The following C10orf67 variants were observed in gnomAD, a reference collection of about 807,000 sequenced individuals.
C10orf67 encodes chromosome 10 open reading frame 67.
In C10orf67, 60 loss-of-function variants were observed where a neutral mutation model predicts 35.6. The observed-to-expected ratio is 1.68, with a 90% confidence interval of 1.37 to 2.09. C10orf67 has a LOEUF of 2.09. C10orf67 is among the 30% of genes most tolerant of loss of function. C10orf67 has a pLI of 0.00. For missense variants in C10orf67, 474 were observed against 330.2 expected, an observed-to-expected ratio of 1.44 and a Z score of -3.38; for synonymous variants, 167 against 115.8, an observed-to-expected ratio of 1.44 and a Z score of -2.84.
intron 10 of C10orf67, among the ~76,000 whole-genome samples, chr10:23,262,366 G>C (rs941905263): frequency 1.6e-5 from 2 of 128,532 alleles, no homozygotes; most frequent in African/African-American, 2.8e-5. Flanking sequence ...AGGGGGGTGG[G>C]GGGAGAGGGT....
chr10:23,255,390 C>T (rs1000923255), intron 10 of C10orf67, among the ~76,000 whole-genome samples: 3 of 152,192 alleles, frequency 2.0e-5, no homozygotes, highest in Admixed American at 6.5e-5. Context: ...CCAAAGGGCT[C>T]GGAGGCATCT....
chr10:23,284,932 A>AT (rs1020509203), intron 7 of C10orf67, among the ~76,000 whole-genome samples: 3 of 152,198 alleles, frequency 2.0e-5, no homozygotes, highest in Non-Finnish European at 4.4e-5. Context: ...CCATAGGTAT[A>AT]TACATGCATT....
At chr10:23,251,013 C>T (rs1035441347) in intron 10 of C10orf67, among the ~76,000 whole-genome samples, 4 of 152,298 alleles carry the variant, frequency 2.6e-5, no homozygotes, top group East Asian at 3.9e-4. Flanking sequence ...GGGAGAATTA[C>T]ATAAGCCCAG....
intron 1 of C10orf67, among the ~76,000 whole-genome samples, chr10:23,341,999 C>G (rs1588718728): frequency 6.6e-6 from 1 of 152,018 alleles, no homozygotes; most frequent in East Asian, 1.9e-4. Context: ...CAGCAAGACC[C>G]TGTATTAAAA....
chr10:23,242,651 G>T (rs1336423368), intron 12 of C10orf67, among the ~76,000 whole-genome samples: 1 of 152,032 alleles, frequency 6.6e-6, no homozygotes, highest in Non-Finnish European at 1.5e-5. Flanking sequence ...ATAGTCTAAG[G>T]TTCTAGAATA....
intron 8 of C10orf67, among the ~76,000 whole-genome samples, chr10:23,274,430 G>C (rs1843121583): frequency 6.6e-6 from 1 of 152,080 alleles, no homozygotes; most frequent in South Asian, 2.1e-4. Flanking sequence ...GCCGTCTATA[G>C]ACCTACCCCT....
intron 7 of C10orf67, among the ~76,000 whole-genome samples, chr10:23,288,816 T>A (rs1254314024): frequency 4.6e-5 from 7 of 152,168 alleles, no homozygotes; most frequent in African/African-American, 1.7e-4. Context: ...TATTTATGTT[T>A]ATTTGGAATA....
chr10:23,288,466 T>C (rs1340543907), intron 7 of C10orf67, among the ~76,000 whole-genome samples: 4 of 151,938 alleles, frequency 2.6e-5, no homozygotes, highest in Non-Finnish European at 4.4e-5. Flanking sequence ...CCAGGGCCTG[T>C]TGGGGGGCTG....
At chr10:23,315,760 T>C (rs948625039) in intron 4 of C10orf67, among the ~76,000 whole-genome samples, 4 of 152,120 alleles carry the variant, frequency 2.6e-5, no homozygotes, top group African/African-American at 9.7e-5. Flanking sequence ...AACCACGAAA[T>C]TCTGACTTAC....
At chr10:23,280,034 A>T (rs564314099) in intron 8 of C10orf67, among the ~76,000 whole-genome samples, 2 of 151,940 alleles carry the variant, frequency 1.3e-5, no homozygotes, top group African/African-American at 4.8e-5. Flanking sequence ...TTTTTATTTT[A>T]TATAAAAACG....
chr10:23,285,511 GTT>G lies in C10orf67; in HGVS notation c.910-3435_910-3434del, dbSNP rs202203075. Among the ~76,000 whole-genome samples the G allele has an allele frequency of 2.0e-4, 30 of 151,446 alleles. No homozygotes were observed. In the South Asian group the frequency reaches 4.8e-3, roughly 24 times the overall value. On this transcript the variant is annotated intron_variant, in intron 7 of 15. Coordinates refer to ENST00000636213, the MANE Select transcript of C10orf67 (RefSeq NM_001371909.1). ...TAGGTAAAAGCAATTTTAATAATGT[GTT>G]TTTTATCCCAATATATATTCAAAAT... is the stretch of plus-strand genomic sequence containing the variant.
At position 23,333,189 on chromosome 10, in the gene C10orf67, A is replaced by T. The variant is rs1258048491; in HGVS notation, c.207-7T>A. 1.9e-6 allele frequency: 3 copies of T among 1,594,536 alleles called. No homozygotes were observed. In the South Asian group the frequency reaches 3.4e-5, roughly 18 times the overall value. ...ATCATCTGAAATGTTAAGTCTGAAA[A>T]CAAAGGAAATGAAATGTGCTTTAAG... is the stretch of plus-strand genomic sequence containing the variant. On this transcript the variant is annotated splice_region_variant and splice_polypyrimidine_tract_variant and intron_variant, in intron 1 of 15. Transcript: ENST00000636213.
intron 5 of C10orf67, among the ~76,000 whole-genome samples, chr10:23,298,221 C>T (rs1212925546): frequency 6.6e-6 from 1 of 152,116 alleles, no homozygotes; most frequent in Non-Finnish European, 1.5e-5. Flanking sequence ...CACCACTGCA[C>T]TCCAGCCTGG....
At chr10:23,342,366 G>C (rs998995079) in intron 1 of C10orf67, among the ~76,000 whole-genome samples, 3 of 152,020 alleles carry the variant, frequency 2.0e-5, no homozygotes, top group Admixed American at 1.3e-4. Flanking sequence ...TTCCTGACTA[G>C]GATGCAAACT....
At chr10:23,286,110 G>C (rs1482525719) in intron 7 of C10orf67, among the ~76,000 whole-genome samples, 1 of 151,812 alleles carries the variant, frequency 6.6e-6, no homozygotes, top group Non-Finnish European at 1.5e-5. Context: ...TAAAGAACCA[G>C]GCCCAGTGCA....
chr10:23,286,014 T>C (rs1843514910), intron 7 of C10orf67, among the ~76,000 whole-genome samples: 1 of 152,306 alleles, frequency 6.6e-6, no homozygotes, highest in Admixed American at 6.5e-5. Flanking sequence ...TAATTTGTTA[T>C]TGTACTCCTT....
intron 2 of C10orf67, among the ~76,000 whole-genome samples, chr10:23,328,267 G>T (rs546747243): frequency 6.6e-5 from 10 of 152,054 alleles, no homozygotes; most frequent in African/African-American, 2.2e-4. Context: ...ACATTGTCTC[G>T]GGCGGCAATG....
intron 1 of C10orf67, among the ~76,000 whole-genome samples, chr10:23,341,198 A>T (rs1845869641): frequency 6.6e-6 from 1 of 152,168 alleles, no homozygotes; most frequent in Non-Finnish European, 1.5e-5. Context: ...ATTATTTCCA[A>T]ACTGATACAG....
At chr10:23,305,236 A>G (rs1749439897) in intron 4 of C10orf67, among the ~76,000 whole-genome samples, 1 of 152,248 alleles carries the variant, frequency 6.6e-6, no homozygotes, top group South Asian at 2.1e-4. Context: ...TTGATAAGTA[A>G]ATCAAAATAA....
Sources: allele counts gnomAD v4.1 joint callset (sites outside exome capture counted in the v4.1 genomes callset), GRCh38; gene constraint gnomAD v4.1.1; transcripts MANE v1.5; gene names NCBI Gene and HGNC (gene_info 2026-07-23, HGNC 2026-07-21).